Variants in EYA4 observed in about 807,000 individuals in gnomAD.
EYA4 encodes the protein EYA transcriptional coactivator and phosphatase 4, also known as protein phosphatase EYA4.
In EYA4, 31 loss-of-function variants were observed where a neutral mutation model predicts 87.9. The observed-to-expected ratio is 0.35, with a 90% confidence interval of 0.27 to 0.48. EYA4 has a LOEUF of 0.48. Among genes scored for constraint, EYA4 ranks in the 20% least tolerant of loss-of-function variants. The pLI, the probability that EYA4 is intolerant of heterozygous loss-of-function variation, is 0.99. For missense variants in EYA4, 678 were observed against 761.4 expected, an observed-to-expected ratio of 0.89 and a Z score of 1.29; for synonymous variants, 263 against 270.6, an observed-to-expected ratio of 0.97 and a Z score of 0.28.
At chr6:133,396,642 G>A (rs947312317) in intron 3 of EYA4, among the ~76,000 whole-genome samples, 22 of 152,230 alleles carry the variant, frequency 1.4e-4, no homozygotes, top group African/African-American at 5.1e-4. Flanking sequence ...ATTATTTATA[G>A]GTGTTTGTTT....
rs990229966 is a variant in EYA4 at position 133,467,512 on chromosome 6, A to T, written c.805-1054A>T. 2.6e-5 allele frequency among the ~76,000 whole-genome samples: 4 copies of T among 152,088 alleles called. No homozygotes were observed. In the East Asian group the frequency reaches 7.7e-4, roughly 29 times the overall value. ...TTGGTAGGAACTTTGTTTAAATATG[A>T]TGAGGTTTTTGTTCTTGGCTCACAA... On this transcript the variant is annotated intron_variant, in intron 10 of 19. Transcript: ENST00000355286.
At chr6:133,400,904 A>C (rs1309503209) in intron 3 of EYA4, among the ~76,000 whole-genome samples, 1 of 152,194 alleles carries the variant, frequency 6.6e-6, no homozygotes, top group Non-Finnish European at 1.5e-5. Context: ...GAAATGGTTC[A>C]TATGAGCAGC....
intron 19 of EYA4, 30 bp downstream of exon 19, chr6:133,525,284 T>TA: frequency 1.3e-6 from 2 of 1,558,570 alleles, no homozygotes; most frequent in Non-Finnish European, 1.8e-6. Context: ...GTCGGTGTGA[T>TA]ACTTCTAATG....
chr6:133,415,383 C>A (rs1217770227), intron 3 of EYA4, among the ~76,000 whole-genome samples: 2 of 152,144 alleles, frequency 1.3e-5, no homozygotes, highest in African/African-American at 2.4e-5. Context: ...AGCCTAGCCC[C>A]CCATGATATC....
intron 13 of EYA4, among the ~76,000 whole-genome samples, chr6:133,490,838 G>C (rs1176976271): frequency 6.6e-6 from 1 of 152,116 alleles, no homozygotes; most frequent in East Asian, 1.9e-4. Flanking sequence ...GACTTAATCT[G>C]CACAGGCTTA....
chr6:133,321,472 T>A (rs1336522), intron 2 of EYA4, among the ~76,000 whole-genome samples: 87,515 of 152,004 alleles, frequency 0.58, 25,926 homozygotes, highest in Middle Eastern at 0.67. Flanking sequence ...TATAATGCTT[T>A]TATCTCATGT....
At chr6:133,277,657 G>A (rs951114626) in intron 2 of EYA4, among the ~76,000 whole-genome samples, 1 of 152,058 alleles carries the variant, frequency 6.6e-6, no homozygotes, top group Admixed American at 6.6e-5. Context: ...ATCCCTTCTG[G>A]GAGTTCACAG....
chr6:133,285,140 G>A (rs1323988538), intron 2 of EYA4, among the ~76,000 whole-genome samples: 1 of 150,684 alleles, frequency 6.6e-6, no homozygotes, highest in Non-Finnish European at 1.5e-5. Flanking sequence ...GGGACTACAG[G>A]CACCCGCCAC....
chr6:133,299,864 G>T (rs1041648463), intron 2 of EYA4, among the ~76,000 whole-genome samples: 2 of 151,008 alleles, frequency 1.3e-5, no homozygotes, highest in South Asian at 4.2e-4. Flanking sequence ...GGGGATTGGG[G>T]TGCTAACTTT....
intron 3 of EYA4, among the ~76,000 whole-genome samples, chr6:133,432,380 G>C (rs190888346): frequency 6.6e-6 from 1 of 152,248 alleles, no homozygotes; most frequent in Admixed American, 6.5e-5. Flanking sequence ...ACACAGGGCT[G>C]AGCTCCTGCT....
rs146428473 is a variant in EYA4, at chr6:133,415,498, G to A, written c.84-31132G>A. ...ACGTGCCTCCTCTCACAGCCTTTAC[G>A]CAGGCTGTTCTGTTTGGAATTTTCT... On this transcript the variant is annotated intron_variant, in intron 3 of 19. Transcript: ENST00000355286. Among the ~76,000 whole-genome samples the A allele has an allele frequency of 1.8e-3, 271 of 152,186 alleles. 1 individual carries two copies. Among genetic ancestry groups the A allele is most frequent in the Non-Finnish European group, 3.4e-3 (229 of 68,022 alleles).
At chr6:133,385,440 TGAGA>T (rs757918130) in intron 3 of EYA4, among the ~76,000 whole-genome samples, 177 of 103,900 alleles carry the variant, frequency 1.7e-3, no homozygotes, top group African/African-American at 6.0e-3. Context: ...TGTGTGTGTG[TGAGA>T]GAGAGAGAGA....
At chr6:133,319,738 A>G (rs1356137496) in intron 2 of EYA4, among the ~76,000 whole-genome samples, 1 of 138,948 alleles carries the variant, frequency 7.2e-6, no homozygotes, top group Admixed American at 7.3e-5. Flanking sequence ...TTTTTTTGAG[A>G]TATTGCTTCA....
chr6:133,270,741 T>C (rs570363551), intron 1 of EYA4, among the ~76,000 whole-genome samples: 28 of 152,280 alleles, frequency 1.8e-4, no homozygotes, highest in African/African-American at 4.6e-4. Context: ...ACCTTAATCA[T>C]AGGGCGTGGT....
chr6:133,340,830 C>T (rs1280147943), intron 2 of EYA4, among the ~76,000 whole-genome samples: 9 of 152,048 alleles, frequency 5.9e-5, no homozygotes, highest in African/African-American at 1.9e-4. Context: ...TCTAACTTTT[C>T]GAAAGAGTCC....
At chr6:133,484,430 G>A (rs762658933) in intron 13 of EYA4, among the ~76,000 whole-genome samples, 18 of 152,190 alleles carry the variant, frequency 1.2e-4, no homozygotes, top group Non-Finnish European at 2.6e-4. Context: ...CACTTTGGGT[G>A]AATCTGCATT....
chr6:133,391,942 C>G (rs568064750), intron 3 of EYA4, among the ~76,000 whole-genome samples: 33 of 152,272 alleles, frequency 2.2e-4, no homozygotes, highest in African/African-American at 6.5e-4. Flanking sequence ...TGCACTCCCC[C>G]CTTTCCTAAT....
intron 5 of EYA4, among the ~76,000 whole-genome samples, chr6:133,449,704 A>G (rs566885624): frequency 3.3e-4 from 50 of 152,352 alleles, no homozygotes; most frequent in African/African-American, 1.1e-3. Flanking sequence ...CTTCTTGGCA[A>G]GACTTTTGTC....
chr6:133,318,476 C>T (rs537069358), intron 2 of EYA4, among the ~76,000 whole-genome samples: 10 of 152,288 alleles, frequency 6.6e-5, no homozygotes, highest in Admixed American at 2.6e-4. Context: ...GATCCTAGTT[C>T]GCTTGGTGCC....
Sources: gnomAD v4.1 joint callset for allele counts (sites outside exome capture counted in the v4.1 genomes callset) on GRCh38, gnomAD v4.1.1 for gene constraint, MANE v1.5 for transcripts, NCBI Gene and HGNC (gene_info 2026-07-23, HGNC 2026-07-21) for gene names.